NRG1: variants seen among roughly 807,000 people sequenced by gnomAD.
NRG1 encodes the protein pro-neuregulin-1, membrane-bound isoform.
In NRG1, 18 loss-of-function variants were observed where a neutral mutation model predicts 63.8. The observed-to-expected ratio is 0.28, with a 90% CI of 0.19 to 0.42. The LOEUF is 0.42. Ranked by LOEUF, NRG1 falls within the 10% of genes least tolerant of loss-of-function variation. The probability of loss-of-function intolerance (pLI) is 1.00; values close to 1 mark genes in which losing one functional copy is unlikely to be tolerated. For synonymous variants in NRG1, 302 were observed against 301.3 expected, an observed-to-expected ratio of 1.00 and a Z score of -0.02; for missense variants, 762 against 814.7, an observed-to-expected ratio of 0.94 and a Z score of 0.79.
chr8:32,752,171 C>G, intron 7 of NRG1, among the ~76,000 whole-genome samples: 1 of 152,200 alleles, frequency 6.6e-6, no homozygotes, highest in Non-Finnish European at 1.5e-5. Context: ...GGGAGCTGTG[C>G]TCTGCATCCT....
At chr8:32,751,312 G>A (rs1460220821) in intron 7 of NRG1, among the ~76,000 whole-genome samples, 1 of 151,514 alleles carries the variant, frequency 6.6e-6, no homozygotes, top group Non-Finnish European at 1.5e-5. Context: ...ACTGAAAAAT[G>A]TGCTTGATCT....
chr8:32,769,863 G>A (rs1831668952), downstream of NRG1, among the ~76,000 whole-genome samples: 1 of 152,132 alleles, frequency 6.6e-6, no homozygotes, highest in Admixed American at 6.6e-5. Context: ...TCTTCTCTGG[G>A]TAGCTATTGA....
intron 5 of NRG1, among the ~76,000 whole-genome samples, chr8:32,727,085 T>C (rs886915657): frequency 2.6e-5 from 4 of 152,196 alleles, no homozygotes; most frequent in African/African-American, 7.2e-5. Context: ...AGAAACATCC[T>C]GGTACTAAAT....
At chr8:32,401,051 A>C (rs1813121671) in intron 1 of NRG1, among the ~76,000 whole-genome samples, 1 of 152,172 alleles carries the variant, frequency 6.6e-6, no homozygotes, top group African/African-American at 2.4e-5. Flanking sequence ...ACAGAAGAGT[A>C]AATACTGCAT....
At chr8:32,174,998 TG>T (rs1840539709) in intron 1 of NRG1, among the ~76,000 whole-genome samples, 2 of 152,216 alleles carry the variant, frequency 1.3e-5, no homozygotes, top group Admixed American at 6.5e-5. Flanking sequence ...AGCACCATCC[TG>T]ATACCAAAGC....
intron 1 of NRG1, among the ~76,000 whole-genome samples, chr8:32,354,294 G>A (rs534999944): frequency 1.8e-4 from 27 of 152,250 alleles, no homozygotes; most frequent in Non-Finnish European, 3.4e-4. Flanking sequence ...GCTAGAACCC[G>A]GGAGGCAGAG....
intron 1 of NRG1, among the ~76,000 whole-genome samples, chr8:32,257,396 A>C (rs75615519): frequency 0.047 from 7,227 of 152,270 alleles, 287 homozygotes; most frequent in Middle Eastern, 0.12. Flanking sequence ...GCTTCAAGCC[A>C]TATTTCTTTT....
Position 32,127,765 on chromosome 8 carries a change from C to T in NRG1, c.38-468063C>T, listed in dbSNP as rs768254767. Among the ~76,000 whole-genome samples the T allele has an allele frequency of 5.9e-4, 89 of 151,814 alleles. 1 individual carries two copies. Among genetic ancestry groups the T allele is most frequent in the Non-Finnish European group, 1.0e-3 (70 of 67,862 alleles). The stretch of plus-strand genomic sequence containing the variant: ...CCACATCTAGAGCTAACAACATTAT[C>T]AGTGGGATGGTGATTCATGGTTTAA... On this transcript the variant is annotated intron_variant, in intron 1 of 10. Transcript: ENST00000519301.
intron 1 of NRG1, among the ~76,000 whole-genome samples, chr8:31,669,453 G>A (rs983236314): frequency 2.6e-5 from 4 of 152,050 alleles, no homozygotes; most frequent in African/African-American, 9.7e-5. Flanking sequence ...TGCCCAGGCT[G>A]GTCTCGAACT....
downstream of NRG1, among the ~76,000 whole-genome samples, chr8:32,772,236 AT>A (rs926196222): frequency 1.7e-4 from 26 of 150,576 alleles, no homozygotes; most frequent in Non-Finnish European, 3.0e-4. Context: ...ATAAAACAGA[AT>A]TTTTTTTTCT....
At chr8:32,496,202 G>A (rs1429401230) in intron 1 of NRG1, among the ~76,000 whole-genome samples, 1 of 152,122 alleles carries the variant, frequency 6.6e-6, no homozygotes, top group African/African-American at 2.4e-5. Flanking sequence ...CCCTTAAGCA[G>A]TAGTTAACAG....
rs529637579 is a variant in NRG1 at position 32,288,085 on chromosome 8, A to G, written c.38-307743A>G. Among the ~76,000 whole-genome samples the G allele has an allele frequency of 2.4e-4, 36 of 152,334 alleles. No individual in the cohort carries two copies. In the South Asian group the frequency reaches 3.5e-3, roughly 15 times the overall value. ...AGAAAAAAGTGCATTGCCATTTTCAATCAACGTGGGTAGAGCTGAATGGTT... is the reference window on the plus strand; with the variant it reads ...AGAAAAAAGTGCATTGCCATTTTCAGTCAACGTGGGTAGAGCTGAATGGTT... On this transcript the variant is annotated intron_variant, in intron 1 of 10. Coordinates refer to the NRG1 transcript ENST00000519301.
intron 7 of NRG1, among the ~76,000 whole-genome samples, chr8:32,747,952 C>G (rs1454197724): frequency 1.3e-5 from 2 of 151,884 alleles, no homozygotes; most frequent in Non-Finnish European, 2.9e-5. Flanking sequence ...TTCACGTCTC[C>G]TTTACTCCCC....
chr8:31,771,368 T>G (rs1051514709), intron 1 of NRG1, among the ~76,000 whole-genome samples: 1 of 152,220 alleles, frequency 6.6e-6, no homozygotes, highest in Admixed American at 6.5e-5. Flanking sequence ...TGTGTATCCA[T>G]TCATGTGTGT....
chr8:32,565,688 C>T (rs1002695519), intron 1 of NRG1, among the ~76,000 whole-genome samples: 2 of 152,172 alleles, frequency 1.3e-5, no homozygotes, highest in African/African-American at 4.8e-5. Flanking sequence ...TTTATATTTT[C>T]AAGGTCCCTG....
chr8:32,237,053 C>T (rs983382814), intron 1 of NRG1, among the ~76,000 whole-genome samples: 13 of 152,242 alleles, frequency 8.5e-5, no homozygotes, highest in African/African-American at 2.7e-4. Context: ...TTTCAGCCTT[C>T]AGGGATCGCC....
intron 1 of NRG1, chr8:32,026,202 G>C (rs1008954836): frequency 6.6e-6 from 1 of 151,528 alleles, no homozygotes; most frequent in Non-Finnish European, 1.5e-5. Context: ...CGGAGTAGCC[G>C]GGACTACAGG....
At chr8:31,896,401 C>T (rs915709209) in intron 1 of NRG1, among the ~76,000 whole-genome samples, 2 of 152,142 alleles carry the variant, frequency 1.3e-5, no homozygotes, top group Non-Finnish European at 2.9e-5. Flanking sequence ...ATCCGGGGAC[C>T]CCAGGGTACT....
chr8:32,725,402 A>T (rs905211840), intron 5 of NRG1, among the ~76,000 whole-genome samples: 2 of 150,912 alleles, frequency 1.3e-5, no homozygotes, highest in African/African-American at 4.9e-5. Context: ...ATCCTATGGA[A>T]TTCTGTCAGC....
Sources: allele counts gnomAD v4.1 joint callset (sites outside exome capture counted in the v4.1 genomes callset), GRCh38; gene constraint gnomAD v4.1.1; transcripts MANE v1.5; gene names NCBI Gene and HGNC (gene_info 2026-07-23, HGNC 2026-07-21).